Variants in IRAG1 observed in about 807,000 individuals in gnomAD.
IRAG1 encodes the protein IP3R-associated cGMP kinase substrate.
IRAG1 carries 62 observed loss-of-function variants against 106.2 expected under a neutral mutation model. The ratio of observed to expected loss-of-function variants is 0.58; its 90% CI spans 0.48 to 0.72. The LOEUF (loss-of-function observed/expected upper bound fraction) is 0.72, where lower values mean the gene tolerates loss of function less well. Ranked by LOEUF, IRAG1 falls within the 30% of genes least tolerant of loss-of-function variation. IRAG1 has a pLI of 0.00. For synonymous variants in IRAG1, 462 were observed against 443.9 expected (o/e 1.04, Z -0.51); for missense variants, 1,064 against 1,140.7 (o/e 0.93, Z 0.97).
intron 17 of IRAG1, 117 bp from the exon 18 acceptor site, chr11:10,591,729 G>T (rs760755623): frequency 8.9e-5 from 81 of 912,770 alleles, no homozygotes; most frequent in Non-Finnish European, 1.3e-4. Context: ...TTTCCTCCAT[G>T]CCCCCACTTT....
chr11:10,690,424 C>T (rs914615456), intron 1 of IRAG1: 2 of 1,282,874 alleles, frequency 1.6e-6, no homozygotes, highest in African/African-American at 3.1e-5. Context: ...CTTTCCACCT[C>T]CCTTGGAGAA....
intron 2 of IRAG1, among the ~76,000 whole-genome samples, chr11:10,637,753 G>A (rs1025091911): frequency 1.3e-5 from 2 of 152,078 alleles, no homozygotes; most frequent in Non-Finnish European, 2.9e-5. Context: ...GGGACCAGAA[G>A]AGAAGTGGAA....
rs368551917 is a variant in IRAG1, at chr11:10,629,632, G to A, written c.480C>T (p.Asn160=). ...ISISEEDKKK[N]LALLEEAKLV... is the part of the protein sequence containing the mutation. The stretch of plus-strand genomic sequence containing the variant: ...ACTTGGCTTCTTCCAGCAGCGCCAG[G>A]TTTTTCTTCTTGTCCTCCTCTGAGA... Residue 160 remains asparagine (N), a synonymous_variant, in exon 5 of 21, where the codon AAC becomes AAT. Coordinates refer to ENST00000423302, the MANE Select transcript of IRAG1 (RefSeq NM_130385.4). 2 of 1,613,990 alleles carry A rather than the reference G, an allele frequency of 1.2e-6. No homozygotes were observed. Among genetic ancestry groups the A allele is most frequent in the Non-Finnish European group, 8.5e-7 (1 of 1,179,878 alleles).
In IRAG1 at chr11:10,651,877, G is replaced by A. The variant is rs1858539951; in HGVS notation, c.225+148C>T. 3.1e-6 allele frequency: 3 copies of A among 964,024 alleles called. No individual in the cohort carries two copies. In the South Asian group the frequency reaches 5.2e-5, roughly 17 times the overall value. 59.7% of individuals were successfully genotyped at this position (964,024 alleles called of 1,614,324 possible). ...CTCAGAGTAATTGATTCCTCAGTAT[G>A]GAAGCCACACACCTTCTCCAGGTAC... On this transcript the variant is annotated intron_variant, in intron 2 of 20. Transcript: ENST00000423302.
At chr11:10,617,806 C>T (rs1855543316) in intron 10 of IRAG1, among the ~76,000 whole-genome samples, 1 of 152,188 alleles carries the variant, frequency 6.6e-6, no homozygotes, top group African/African-American at 2.4e-5. Flanking sequence ...AGCTGATCTC[C>T]AATAGCTGTC....
In IRAG1 at chr11:10,591,579, C is replaced by T; in HGVS notation, c.2209G>A (p.Val737Ile). The change falls in exon 18 of 21, where the codon GTC becomes ATC. Residue 737 changes from valine (V) to isoleucine (I), a missense_variant. Transcript: ENST00000423302. Reference sequence around the variant, plus strand: ...AAAAGTGCAGGCAGTGCTGAAGTGACAGGTAGGCTGCCTTTCCCATTGGGT... The same window carrying T: ...AAAAGTGCAGGCAGTGCTGAAGTGATAGGTAGGCTGCCTTTCCCATTGGGT... ...ESPNGKGSLP[V>I]TSALPALLEN... 1 of 1,598,616 alleles carries T rather than the reference C, an allele frequency of 6.3e-7. No individual in the cohort carries two copies. Among genetic ancestry groups the T allele is most frequent in the South Asian group, 1.1e-5 (1 of 87,828 alleles).
chr11:10,637,016 C>T (rs926311835), intron 2 of IRAG1, among the ~76,000 whole-genome samples: 1 of 152,214 alleles, frequency 6.6e-6, no homozygotes, highest in Non-Finnish European at 1.5e-5. Context: ...CTCGAAGCTA[C>T]TCTAATGAGT....
At position 10,575,897 on chromosome 11, in the gene IRAG1, G is replaced by A. The variant is rs1850788236; in HGVS notation, c.*435C>T. 1 of 177,790 alleles carries A rather than the reference G, an allele frequency of 5.6e-6. No homozygotes were observed. Among genetic ancestry groups the A allele is most frequent in the Non-Finnish European group, 1.2e-5 (1 of 81,174 alleles). The allele number at this position is 177,790 out of a possible 1,614,324, so 11.0% of individuals were successfully genotyped here. A position where few individuals can be genotyped will look rare whatever the true frequency, so the allele number is the denominator to read the frequency against. On this transcript the variant is annotated 3_prime_UTR_variant, in exon 21 of 21. Coordinates refer to ENST00000423302, the MANE Select transcript of IRAG1 (RefSeq NM_130385.4). ...TCCAAATTCCAGGTCTGATGCTTAGGGTGTTAGTCATTAAGCAAATTCTTC... is the reference window on the plus strand; with the variant it reads ...TCCAAATTCCAGGTCTGATGCTTAGAGTGTTAGTCATTAAGCAAATTCTTC...
chr11:10,643,176 CAAAAAA>C (rs10679269), intron 2 of IRAG1, among the ~76,000 whole-genome samples: 2 of 60,246 alleles, frequency 3.3e-5, no homozygotes, highest in Admixed American at 2.3e-4. Context: ...GACTCCGTCT[CAAAAAA>C]AAAAAAAAAA....
chr11:10,583,794 T>G (rs1851641071), intron 18 of IRAG1, among the ~76,000 whole-genome samples: 2 of 151,926 alleles, frequency 1.3e-5, no homozygotes, highest in South Asian at 4.2e-4. Flanking sequence ...GTAACAAAGG[T>G]AAGATGATGA....
intron 2 of IRAG1, among the ~76,000 whole-genome samples, chr11:10,638,325 T>C (rs1301370208): frequency 1.3e-5 from 2 of 152,224 alleles, no homozygotes; most frequent in African/African-American, 2.4e-5. Flanking sequence ...CTATCCTAAA[T>C]TGGCTTTCTT....
intron 2 of IRAG1, among the ~76,000 whole-genome samples, chr11:10,636,897 G>A (rs528896272): frequency 6.6e-6 from 1 of 152,352 alleles, no homozygotes; most frequent in Non-Finnish European, 1.5e-5. Flanking sequence ...TCAGGGATTT[G>A]TCAGTGTAGC....
intron 12 of IRAG1, among the ~76,000 whole-genome samples, chr11:10,605,278 C>T (rs1222015146): frequency 6.6e-6 from 1 of 152,218 alleles, no homozygotes; most frequent in East Asian, 1.9e-4. Flanking sequence ...TTCAATTTTA[C>T]AGCCATCATC....
chr11:10,584,579 A>ATATATATATG (rs1851750371), intron 18 of IRAG1, among the ~76,000 whole-genome samples: 5 of 139,548 alleles, frequency 3.6e-5, no homozygotes, highest in Non-Finnish European at 7.7e-5. Flanking sequence ...ATATATATAT[A>ATATATATATG]TATATATGAA....
intron 20 of IRAG1, among the ~76,000 whole-genome samples, chr11:10,579,655 T>G (rs1462891051): frequency 6.6e-6 from 1 of 152,112 alleles, no homozygotes; most frequent in Non-Finnish European, 1.5e-5. Flanking sequence ...ATCCTATCCC[T>G]AAGCGTGAAC....
chr11:10,643,100 A>G (rs1436223386), intron 2 of IRAG1, among the ~76,000 whole-genome samples: 8 of 141,852 alleles, frequency 5.6e-5, no homozygotes, highest in Admixed American at 7.3e-5. Context: ...GCGTGAACCC[A>G]GGAGGCGGAG....
At chr11:10,655,541 T>G (rs1053887375) in intron 1 of IRAG1, among the ~76,000 whole-genome samples, 3 of 152,180 alleles carry the variant, frequency 2.0e-5, no homozygotes, top group African/African-American at 7.2e-5. Flanking sequence ...CAGGCTGTTC[T>G]TTAAGGTAGT....
intron 1 of IRAG1, chr11:10,690,181 G>A (rs1861953876): frequency 3.1e-6 from 1 of 318,436 alleles, no homozygotes; most frequent in African/African-American, 2.3e-5. Flanking sequence ...CTTGAGGTCA[G>A]GAGTTCGAGA....
chr11:10,617,615 T>C (rs1207635224), intron 10 of IRAG1, among the ~76,000 whole-genome samples: 1 of 152,236 alleles, frequency 6.6e-6, no homozygotes, highest in Non-Finnish European at 1.5e-5. Context: ...CAGGTTTGTC[T>C]GTTGCATTCA....
Sources: gnomAD v4.1 joint callset for allele counts (sites outside exome capture counted in the v4.1 genomes callset) on GRCh38, gnomAD v4.1.1 for gene constraint, MANE v1.5 for transcripts, NCBI Gene and HGNC (gene_info 2026-07-23, HGNC 2026-07-21) for gene names.